Variants in MAP7 observed in about 807,000 individuals in gnomAD.
MAP7 encodes the protein ensconsin.
A neutral mutation model predicts 94.8 loss-of-function variants in MAP7; 52 were observed. The observed-to-expected ratio is 0.55, with a 90% CI of 0.44 to 0.69. MAP7 has a LOEUF of 0.69. Among genes scored for constraint, MAP7 ranks in the 30% least tolerant of loss-of-function variants. The pLI, the probability that MAP7 is intolerant of heterozygous loss-of-function variation, is 0.00. For synonymous variants in MAP7, 350 were observed against 357.0 expected (o/e 0.98, Z 0.22); for missense variants, 940 against 964.6 (o/e 0.97, Z 0.34).
intron 1 of MAP7, among the ~76,000 whole-genome samples, chr6:136,505,275 GTGTATA>G (rs1390074034): frequency 2.1e-3 from 146 of 69,166 alleles, no homozygotes; most frequent in African/African-American, 7.8e-3. Context: ...GTGTGTGTGT[GTGTATA>G]TATATATATA....
intron 1 of MAP7, among the ~76,000 whole-genome samples, chr6:136,510,206 A>G (rs1282885874): frequency 1.3e-5 from 2 of 152,074 alleles, no homozygotes; most frequent in African/African-American, 4.8e-5. Flanking sequence ...CAGTAGACAA[A>G]ATGGGGTGAG....
chr6:136,548,201 T>C (rs938232888), intron 1 of MAP7, among the ~76,000 whole-genome samples: 2 of 149,340 alleles, frequency 1.3e-5, no homozygotes, highest in Admixed American at 6.8e-5. Flanking sequence ...TTCACCAGAA[T>C]GAAGTGCTAA....
chr6:136,500,173 T>A (rs1819448190), intron 1 of MAP7, among the ~76,000 whole-genome samples: 1 of 152,234 alleles, frequency 6.6e-6, no homozygotes, highest in African/African-American at 2.4e-5. Context: ...ATCATCTGAT[T>A]ATTGTGAGGA....
chr6:136,361,028 C>T lies in MAP7; in HGVS notation c.1678G>A (p.Glu560Lys). The T allele has an allele frequency of 1.3e-6, 2 of 1,577,328 alleles. No individual in the cohort carries two copies. The highest frequency in any genetic ancestry group is 1.7e-6 in the Non-Finnish European group (2 of 1,167,992). Residue 560 changes from glutamate (E) to lysine (K), a missense_variant, in exon 12 of 18, where the codon GAG (glutamate) becomes AAG (lysine). Coordinates refer to ENST00000354570, the MANE Select transcript of MAP7 (RefSeq NM_003980.6). Reference sequence around the variant, plus strand: ...ACCTGCCTCTGGGCGCGCTCTGCCTCCTCCCGCTCGCGCAGCGCCCGCTCC... The same window carrying T: ...ACCTGCCTCTGGGCGCGCTCTGCCTTCTCCCGCTCGCGCAGCGCCCGCTCC... The part of the protein sequence containing the change: ...AEERALRERE[E>K]AERAQRQKEE...
chr6:136,430,635 T>C (rs1181976130), intron 1 of MAP7, among the ~76,000 whole-genome samples: 1 of 152,182 alleles, frequency 6.6e-6, no homozygotes, highest in Non-Finnish European at 1.5e-5. Context: ...ATATGGTAGG[T>C]TCTGAACGTT....
chr6:136,449,018 A>AATAAG (rs1554257990), intron 1 of MAP7, among the ~76,000 whole-genome samples: 2 of 143,600 alleles, frequency 1.4e-5, no homozygotes, highest in Admixed American at 6.9e-5. Flanking sequence ...AAAAAAAAAA[A>AATAAG]AAGAAGCAAG....
intron 1 of MAP7, among the ~76,000 whole-genome samples, chr6:136,489,271 G>A (rs958051227): frequency 3.3e-5 from 5 of 151,806 alleles, no homozygotes; most frequent in Non-Finnish European, 5.9e-5. Context: ...GTATAAATTC[G>A]CTTGTATCCT....
At chr6:136,535,030 T>G (rs989753122) in intron 1 of MAP7, among the ~76,000 whole-genome samples, 2 of 152,194 alleles carry the variant, frequency 1.3e-5, no homozygotes, top group African/African-American at 2.4e-5. Context: ...GGTTTATTTA[T>G]TAACTGAAAC....
chr6:136,474,352 T>G (rs1810126338), intron 1 of MAP7, among the ~76,000 whole-genome samples: 1 of 152,200 alleles, frequency 6.6e-6, no homozygotes, highest in South Asian at 2.1e-4. Flanking sequence ...AGTCAGGGTG[T>G]ACACGGCAGG....
intron 7 of MAP7, among the ~76,000 whole-genome samples, chr6:136,375,798 T>C (rs572307709): frequency 2.0e-5 from 3 of 152,098 alleles, no homozygotes; most frequent in African/African-American, 7.2e-5. Flanking sequence ...TATCAACTTG[T>C]GAAAAGGAGA....
At chr6:136,523,382 T>C (rs1221647987) in intron 1 of MAP7, among the ~76,000 whole-genome samples, 2 of 152,242 alleles carry the variant, frequency 1.3e-5, no homozygotes, top group Non-Finnish European at 2.9e-5. Context: ...GGTGGTCACA[T>C]GTGGCTATTT....
intron 1 of MAP7, among the ~76,000 whole-genome samples, chr6:136,440,690 CT>C (rs925722209): frequency 6.6e-6 from 1 of 151,906 alleles, no homozygotes; most frequent in Non-Finnish European, 1.5e-5. Context: ...GAAAATAAAA[CT>C]TTAGTAAGAA....
At chr6:136,511,998 G>T (rs970140979) in intron 1 of MAP7, among the ~76,000 whole-genome samples, 9 of 152,158 alleles carry the variant, frequency 5.9e-5, no homozygotes, top group Non-Finnish European at 1.0e-4. Flanking sequence ...CAATGTCCTA[G>T]CCGAAAACAA....
chr6:136,522,677 CACACACA>C (rs538239251), intron 1 of MAP7, among the ~76,000 whole-genome samples: 16 of 152,222 alleles, frequency 1.1e-4, no homozygotes, highest in Admixed American at 3.3e-4. Flanking sequence ...TCGCAATAGT[CACACACA>C]AAAAATAAAC....
chr6:136,432,410 T>C (rs774775114), intron 1 of MAP7, among the ~76,000 whole-genome samples: 3 of 152,096 alleles, frequency 2.0e-5, no homozygotes, highest in Non-Finnish European at 4.4e-5. Context: ...GATTTGAAAA[T>C]AGTGGGAGAA....
chr6:136,361,812 G>T (rs1020388031), intron 11 of MAP7, among the ~76,000 whole-genome samples: 1 of 152,172 alleles, frequency 6.6e-6, no homozygotes, highest in Non-Finnish European at 1.5e-5. Flanking sequence ...GCTACCCTCC[G>T]AGAGGAGTTT....
intron 1 of MAP7, among the ~76,000 whole-genome samples, chr6:136,538,009 C>T (rs879435472): frequency 2.6e-5 from 4 of 152,148 alleles, no homozygotes; most frequent in East Asian, 1.9e-4. Flanking sequence ...CTCGAACTCC[C>T]GACCTCGGGT....
intron 1 of MAP7, among the ~76,000 whole-genome samples, chr6:136,440,898 T>A (rs1011886299): frequency 6.6e-6 from 1 of 151,946 alleles, no homozygotes; most frequent in Non-Finnish European, 1.5e-5. Flanking sequence ...TACTCTCTAC[T>A]TAGGAGTTCA....
intron 2 of MAP7, 22 bp downstream of exon 2, chr6:136,421,679 C>T: frequency 1.9e-6 from 3 of 1,583,042 alleles, no homozygotes; most frequent in Non-Finnish European, 2.6e-6. Context: ...TATTTTCCCA[C>T]AGTTAATGCA....
Sources: allele counts gnomAD v4.1 joint callset (sites outside exome capture counted in the v4.1 genomes callset), GRCh38; gene constraint gnomAD v4.1.1; transcripts MANE v1.5; gene names NCBI Gene and HGNC (gene_info 2026-07-23, HGNC 2026-07-21).